The following RAD51B variants were observed in gnomAD, a reference collection of about 807,000 sequenced individuals.
RAD51B encodes the protein DNA repair protein RAD51 homolog 2.
A neutral mutation model predicts 42.2 loss-of-function variants in RAD51B; 38 were observed. The ratio of observed to expected loss-of-function variants is 0.90; its 90% CI spans 0.70 to 1.18. The LOEUF is 1.18. RAD51B is among the 50% of genes most tolerant of loss of function. The pLI, the probability that RAD51B is intolerant of heterozygous loss-of-function variation, is 0.00. For missense variants in RAD51B, 373 were observed against 400.7 expected (o/e 0.93, Z 0.59); for synonymous variants, 154 against 145.2 (o/e 1.06, Z -0.43).
chr14:68,641,639 A>T (rs1347554997), intron 10 of RAD51B, among the ~76,000 whole-genome samples: 1 of 147,744 alleles, frequency 6.8e-6, no homozygotes, highest in African/African-American at 2.5e-5. Context: ...GTTTACTGAG[A>T]ATTTTTTATC....
At chr14:68,556,614 T>A (rs998776942) in intron 10 of RAD51B, among the ~76,000 whole-genome samples, 2 of 152,008 alleles carry the variant, frequency 1.3e-5, no homozygotes, top group Non-Finnish European at 2.9e-5. Context: ...TCCCAGAAGG[T>A]TTGAGGAAAG....
intron 10 of RAD51B, among the ~76,000 whole-genome samples, chr14:68,554,310 A>G (rs184355202): frequency 6.6e-6 from 1 of 152,352 alleles, no homozygotes; most frequent in Admixed American, 6.5e-5. Context: ...ACAATTAACC[A>G]AACGAGCTAA....
chr14:68,372,437 G>C (rs908429562), intron 8 of RAD51B, among the ~76,000 whole-genome samples: 1 of 152,082 alleles, frequency 6.6e-6, no homozygotes, highest in African/African-American at 2.4e-5. Context: ...ATGTAGTAAT[G>C]CTGGAGAGGA....
At chr14:67,917,654 T>C (rs1210867488) in intron 7 of RAD51B, among the ~76,000 whole-genome samples, 1 of 152,192 alleles carries the variant, frequency 6.6e-6, no homozygotes, top group Non-Finnish European at 1.5e-5. Flanking sequence ...TATATATTTT[T>C]GAGATTGAGA....
chr14:67,823,502 GT>G, intron 1 of RAD51B, 39 bp from the exon 2 acceptor site: 2 of 1,573,636 alleles, frequency 1.3e-6, no homozygotes, highest in East Asian at 2.2e-5. Context: ...ATATTCTGTT[GT>G]TTTTTTCATG....
intron 10 of RAD51B, among the ~76,000 whole-genome samples, chr14:68,493,063 G>C (rs1443386700): frequency 6.6e-6 from 1 of 152,112 alleles, no homozygotes; most frequent in African/African-American, 2.4e-5. Flanking sequence ...AGCGACACCG[G>C]AGATGAGGGG....
intron 7 of RAD51B, among the ~76,000 whole-genome samples, chr14:68,036,326 G>A (rs554671002): frequency 6.6e-6 from 1 of 152,304 alleles, no homozygotes; most frequent in Admixed American, 6.5e-5. Context: ...CCTAATTCTG[G>A]CCCTTACGTC....
At chr14:68,004,556 T>C (rs1291044146) in intron 7 of RAD51B, among the ~76,000 whole-genome samples, 1 of 152,084 alleles carries the variant, frequency 6.6e-6, no homozygotes, top group Non-Finnish European at 1.5e-5. Flanking sequence ...CCTCCATACT[T>C]GATGGAGTTT....
At chr14:68,184,867 G>GCTTC (rs1480119525) in intron 7 of RAD51B, among the ~76,000 whole-genome samples, 4 of 152,152 alleles carry the variant, frequency 2.6e-5, no homozygotes, top group Non-Finnish European at 5.9e-5. Context: ...GAAGGAAGAG[G>GCTTC]CTTCCTAGTA....
chr14:68,434,730 C>T (rs1341080178), intron 9 of RAD51B, among the ~76,000 whole-genome samples: 2 of 152,190 alleles, frequency 1.3e-5, no homozygotes, highest in African/African-American at 4.8e-5. Context: ...AGCTTATGCT[C>T]GGTGGGCTGC....
chr14:68,479,453 C>T (rs1424911111), downstream of RAD51B, among the ~76,000 whole-genome samples: 1 of 152,094 alleles, frequency 6.6e-6, no homozygotes, highest in East Asian at 1.9e-4. Flanking sequence ...CACTCTCTAC[C>T]CAGAGGAAAG....
chr14:68,639,616 C>G (rs8009398), intron 10 of RAD51B, among the ~76,000 whole-genome samples: 33,934 of 151,898 alleles, frequency 0.22, 4,089 homozygotes, highest in African/African-American at 0.26. Context: ...GGAAGAGAAG[C>G]CAGAGATCCA....
At chr14:68,655,840 G>A (rs1892805239) in intron 11 of RAD51B, among the ~76,000 whole-genome samples, 1 of 152,204 alleles carries the variant, frequency 6.6e-6, no homozygotes. Context: ...TCTCTCTGTT[G>A]CTAGTGGCTG....
At chr14:68,648,023 G>A (rs981863688) in intron 10 of RAD51B, among the ~76,000 whole-genome samples, 35 of 28,600 alleles carry the variant, frequency 1.2e-3, no homozygotes, top group South Asian at 0.011. Flanking sequence ...ATATATATAC[G>A]TATATATATA....
intron 7 of RAD51B, among the ~76,000 whole-genome samples, chr14:67,925,652 G>A (rs758633244): frequency 2.6e-5 from 4 of 152,184 alleles, no homozygotes; most frequent in Non-Finnish European, 5.9e-5. Context: ...TAGGGACTCT[G>A]TATGGGGGCT....
chr14:68,278,388 C>G (rs1388018613), intron 7 of RAD51B, among the ~76,000 whole-genome samples: 2 of 152,138 alleles, frequency 1.3e-5, no homozygotes, highest in East Asian at 3.8e-4. Flanking sequence ...TATCTTTATC[C>G]TTAAAAGAGG....
chr14:68,532,294 T>A (rs1488334377), intron 10 of RAD51B, among the ~76,000 whole-genome samples: 1 of 151,940 alleles, frequency 6.6e-6, no homozygotes, highest in Non-Finnish European at 1.5e-5. Context: ...AATCCAGAAG[T>A]TGATTATTCA....
chr14:67,943,635 G>A (rs919249915), intron 7 of RAD51B, among the ~76,000 whole-genome samples: 1 of 152,054 alleles, frequency 6.6e-6, no homozygotes, highest in African/African-American at 2.4e-5. Context: ...GTGAATCATA[G>A]CTCTTTTCCT....
chr14:68,104,064 A>T (rs958027286), intron 7 of RAD51B, among the ~76,000 whole-genome samples: 1 of 152,176 alleles, frequency 6.6e-6, no homozygotes, highest in African/African-American at 2.4e-5. Context: ...AGTACTGTTT[A>T]TGTTGGAGAC....
Sources: allele counts gnomAD v4.1 joint callset (sites outside exome capture counted in the v4.1 genomes callset), GRCh38; gene constraint gnomAD v4.1.1; transcripts MANE v1.5; gene names NCBI Gene and HGNC (gene_info 2026-07-23, HGNC 2026-07-21).